Variants in PCDH9 observed in about 807,000 individuals in gnomAD.
PCDH9 encodes protocadherin 9, also known as protocadherin-9.
PCDH9 carries 24 observed loss-of-function variants against 70.6 expected under a neutral mutation model. The ratio of observed to expected loss-of-function variants is 0.34; its 90% confidence interval spans 0.25 to 0.48. The LOEUF (loss-of-function observed/expected upper bound fraction) is 0.48, where lower values mean the gene tolerates loss of function less well. Ranked by LOEUF, PCDH9 falls within the 20% of genes least tolerant of loss-of-function variation. The pLI is 0.99. For missense variants in PCDH9, 1,281 were observed against 1,503.6 expected, an observed-to-expected ratio of 0.85 and a Z score of 2.45; for synonymous variants, 562 against 558.5, an observed-to-expected ratio of 1.01 and a Z score of -0.09.
intron 2 of PCDH9, chr13:67,213,206 CAAAAAAAAAAAAAAAAAAA>C (rs34813503): frequency 1.5e-4 from 3 of 20,544 alleles, no homozygotes; most frequent in African/African-American, 5.1e-4. Flanking sequence ...GACTCCGTCA[CAAAAAAAAAAAAAAAAAAA>C]AAAAAAAAAA....
chr13:66,852,122 T>TG (rs760790713), intron 3 of PCDH9, among the ~76,000 whole-genome samples: 1 of 152,190 alleles, frequency 6.6e-6, no homozygotes, highest in East Asian at 1.9e-4. Flanking sequence ...ATAGTCACAC[T>TG]GGGGGTCAAG....
intron 3 of PCDH9, among the ~76,000 whole-genome samples, chr13:66,782,981 A>T (rs765621425): frequency 6.6e-6 from 1 of 152,208 alleles, no homozygotes; most frequent in Non-Finnish European, 1.5e-5. Context: ...CCATTGCAAG[A>T]AAACAAACTT....
At chr13:66,603,535 G>A (rs2077187238) in intron 4 of PCDH9, among the ~76,000 whole-genome samples, 1 of 151,936 alleles carries the variant, frequency 6.6e-6, no homozygotes, top group African/African-American at 2.4e-5. Context: ...GTATGACTGA[G>A]TAGGCACTTA....
chr13:66,697,128 T>A (rs1289079055), intron 3 of PCDH9, among the ~76,000 whole-genome samples: 1 of 152,122 alleles, frequency 6.6e-6, no homozygotes, highest in African/African-American at 2.4e-5. Context: ...TTAACAATAA[T>A]AACAAAAATA....
chr13:66,795,854 T>G (rs1365213539), intron 3 of PCDH9, among the ~76,000 whole-genome samples: 2 of 152,142 alleles, frequency 1.3e-5, no homozygotes, highest in Non-Finnish European at 2.9e-5. Flanking sequence ...CACTGAATTC[T>G]GCTGAATCCT....
Position 67,173,253 on chromosome 13 carries a change from T to C in PCDH9, c.3036+52152A>G, listed in dbSNP as rs146744237. ...CTGTAGTAATCTTGAATAAATAGAATTTGACATTTGTTACATAAAATAACT... is the reference window on the plus strand; with the variant it reads ...CTGTAGTAATCTTGAATAAATAGAACTTGACATTTGTTACATAAAATAACT... On this transcript the variant is annotated intron_variant, in intron 2 of 4. Transcript: ENST00000377865. 2.0e-4 allele frequency among the ~76,000 whole-genome samples: 31 copies of C among 152,222 alleles called. No individual in the cohort carries two copies. In the East Asian group the frequency reaches 5.2e-3, roughly 26 times the overall value.
chr13:66,447,664 T>C (rs1450353062), intron 4 of PCDH9, among the ~76,000 whole-genome samples: 1 of 152,138 alleles, frequency 6.6e-6, no homozygotes. Context: ...TAATAAAAAC[T>C]GAAAGCATGG....
At chr13:66,922,002 T>C (rs761913273) in intron 2 of PCDH9, among the ~76,000 whole-genome samples, 2 of 151,312 alleles carry the variant, frequency 1.3e-5, no homozygotes, top group African/African-American at 2.4e-5. Context: ...TATGAAAACT[T>C]TGTCAACTAT....
At chr13:67,178,878 C>T (rs1043007217) in intron 2 of PCDH9, among the ~76,000 whole-genome samples, 1 of 151,990 alleles carries the variant, frequency 6.6e-6, no homozygotes, top group Admixed American at 6.6e-5. Flanking sequence ...CTTTCCTGAG[C>T]TCAAACAGAA....
At chr13:66,322,107 T>C (rs543462271) in intron 4 of PCDH9, among the ~76,000 whole-genome samples, 2 of 152,088 alleles carry the variant, frequency 1.3e-5, no homozygotes, top group Admixed American at 1.3e-4. Context: ...GATGCTAAAT[T>C]GGTGTCACAT....
intron 3 of PCDH9, among the ~76,000 whole-genome samples, chr13:66,787,949 C>T (rs1056033515): frequency 6.6e-6 from 1 of 152,020 alleles, no homozygotes; most frequent in Admixed American, 6.6e-5. Flanking sequence ...AATATACAAC[C>T]TTTTTGTACC....
At chr13:66,908,345 T>C (rs576861345) in intron 2 of PCDH9, among the ~76,000 whole-genome samples, 1 of 152,328 alleles carries the variant, frequency 6.6e-6, no homozygotes, top group South Asian at 2.1e-4. Flanking sequence ...CTCTCTGGAA[T>C]CATTTAACTG....
chr13:66,921,448 C>T (rs1486497659), intron 2 of PCDH9, among the ~76,000 whole-genome samples: 2 of 151,106 alleles, frequency 1.3e-5, no homozygotes, highest in East Asian at 3.9e-4. Flanking sequence ...ATCCAGTTGA[C>T]AAAACTAGAG....
intron 4 of PCDH9, among the ~76,000 whole-genome samples, chr13:66,375,608 T>G (rs1443578524): frequency 6.6e-6 from 1 of 152,136 alleles, no homozygotes; most frequent in Non-Finnish European, 1.5e-5. Context: ...TCTTACTGGC[T>G]GGTAATGTAA....
chr13:66,367,295 CAAAT>C (rs942852731), intron 4 of PCDH9, among the ~76,000 whole-genome samples: 4 of 151,990 alleles, frequency 2.6e-5, no homozygotes, highest in African/African-American at 9.7e-5. Flanking sequence ...AAATTACAAG[CAAAT>C]AAATAGAAAC....
At chr13:66,446,210 ATTTTGTTCCAGT>A (rs991758356) in intron 4 of PCDH9, among the ~76,000 whole-genome samples, 2 of 152,040 alleles carry the variant, frequency 1.3e-5, no homozygotes, top group Non-Finnish European at 2.9e-5. Flanking sequence ...CATTAGCAGA[ATTTTGTTCCAGT>A]GTCCAGCTGG....
chr13:66,749,280 A>G (rs979283583), intron 3 of PCDH9, among the ~76,000 whole-genome samples: 1 of 152,214 alleles, frequency 6.6e-6, no homozygotes, highest in Non-Finnish European at 1.5e-5. Context: ...TTACCTGTTT[A>G]AAATTCTGCA....
intron 4 of PCDH9, among the ~76,000 whole-genome samples, chr13:66,460,749 C>T (rs771838497): frequency 6.6e-5 from 10 of 151,658 alleles, no homozygotes; most frequent in Non-Finnish European, 1.0e-4. Flanking sequence ...GTGACAGAGA[C>T]GAAGAGCTAT....
Position 66,304,137 on chromosome 13 carries a change from AAC to A in PCDH9, c.*516_*517del, listed in dbSNP as rs2138047360. On this transcript the variant is annotated 3_prime_UTR_variant, in exon 5 of 5. Transcript: ENST00000377865. The stretch of plus-strand genomic sequence containing the variant: ...GCTTGCTTCTATTTACAAATACTTT[AAC>A]ACTGATTGACTTACAAGTGTCCACT... The A allele has an allele frequency of 6.5e-6, 1 of 153,112 alleles. No individual in the cohort carries two copies. The highest frequency in any genetic ancestry group is 2.4e-5 in the African/African-American group (1 of 41,542). 9.5% of individuals were successfully genotyped at this position (153,112 alleles called of 1,614,324 possible). A position where few individuals can be genotyped will look rare whatever the true frequency, so the allele number is the denominator to read the frequency against.
Sources: gnomAD v4.1 joint callset for allele counts (sites outside exome capture counted in the v4.1 genomes callset) on GRCh38, gnomAD v4.1.1 for gene constraint, MANE v1.5 for transcripts, NCBI Gene and HGNC (gene_info 2026-07-23, HGNC 2026-07-21) for gene names.